DNAJB4: variants seen among roughly 807,000 people sequenced by gnomAD.
DNAJB4 encodes dnaJ homolog subfamily B member 4.
In DNAJB4, 10 loss-of-function variants were observed where a neutral mutation model predicts 26.6. That is an observed-to-expected ratio of 0.38 (90% CI 0.23 to 0.64). The LOEUF is 0.64. DNAJB4 is among the 30% of genes least tolerant of loss of function. DNAJB4 has a pLI of 0.58. For synonymous variants in DNAJB4, 136 were observed against 134.8 expected (o/e 1.01, Z -0.06); for missense variants, 328 against 408.2 (o/e 0.80, Z 1.69).
At chr1:78,008,364 TAAACAAAATGTGC>T (rs1182180531) in intron 1 of DNAJB4, among the ~76,000 whole-genome samples, 1 of 152,194 alleles carries the variant, frequency 6.6e-6, no homozygotes, top group Non-Finnish European at 1.5e-5. Flanking sequence ...ATTGGTGAAT[TAAACAAAATGTGC>T]TATATACATT....
intron 1 of DNAJB4, among the ~76,000 whole-genome samples, chr1:77,984,459 T>TC (rs1183377234): frequency 1.3e-5 from 2 of 152,150 alleles, no homozygotes; most frequent in Non-Finnish European, 2.9e-5. Flanking sequence ...TTTCTTTCTT[T>TC]CTTTTTTTTT....
At chr1:77,982,886 C>A (rs959509280) in intron 1 of DNAJB4, among the ~76,000 whole-genome samples, 13 of 152,178 alleles carry the variant, frequency 8.5e-5, no homozygotes, top group African/African-American at 3.1e-4. Context: ...GTAAAAGCTT[C>A]CTGGGTTAAT....
intron 1 of DNAJB4, among the ~76,000 whole-genome samples, chr1:77,999,822 C>G (rs1227679655): frequency 2.8e-4 from 43 of 152,222 alleles, no homozygotes; most frequent in African/African-American, 9.6e-4. Context: ...ACCAAGTATT[C>G]AGATTTTTAA....
At position 78,013,370 on chromosome 1, in the gene DNAJB4, A is replaced by G; in HGVS notation, c.531A>G (p.Lys177=). The change falls in exon 2 of 3, where the codon AAA becomes AAG. Residue 177 remains lysine, a synonymous_variant. Transcript: ENST00000370763. ...SLEEIYSGCT[K]RMKISRKRLN... is the part of the protein sequence containing the mutation. ...AAGAGATATATAGTGGTTGTACCAA[A>G]CGGATGAAGATTTCTCGAAAAAGGC... 1 of 1,614,180 alleles carries G rather than the reference A, an allele frequency of 6.2e-7. No individual in the cohort carries two copies. Among genetic ancestry groups the G allele is most frequent in the Non-Finnish European group, 8.5e-7 (1 of 1,180,020 alleles).
intron 1 of DNAJB4, among the ~76,000 whole-genome samples, chr1:78,011,916 A>C (rs1557511592): frequency 6.7e-6 from 1 of 148,550 alleles, no homozygotes; most frequent in African/African-American, 2.5e-5. Context: ...ATGGTATTTT[A>C]TATTTTGCTA....
rs1173693025 is a variant in DNAJB4, at chr1:78,013,199, A to G, written c.360A>G (p.Arg120=). The change falls in exon 2 of 3, where the codon AGA becomes AGG. Residue 120 remains arginine (R), a synonymous_variant. Transcript: ENST00000370763. The part of the protein sequence containing the change: ...IFFGRRMGGG[R]DSEEMEIDGD... ...TTGGAAGACGAATGGGTGGTGGTAG[A>G]GATTCTGAAGAAATGGAAATAGATG... 1 of 1,614,182 alleles carries G rather than the reference A, an allele frequency of 6.2e-7. No individual in the cohort carries two copies. The highest frequency in any genetic ancestry group is 1.7e-5 in the Admixed American group (1 of 60,030).
chr1:78,005,729 T>C (rs1295520488), intron 1 of DNAJB4, among the ~76,000 whole-genome samples: 1 of 152,232 alleles, frequency 6.6e-6, no homozygotes, highest in Non-Finnish European at 1.5e-5. Flanking sequence ...TCTTTAGTCA[T>C]TTAAAACCTT....
chr1:77,983,692 A>T (rs967592141), intron 1 of DNAJB4, among the ~76,000 whole-genome samples: 1 of 152,210 alleles, frequency 6.6e-6, no homozygotes. Flanking sequence ...TGTTTCAGAG[A>T]GCACAGGGTT....
chr1:77,985,178 A>T (rs1659762884), intron 1 of DNAJB4, among the ~76,000 whole-genome samples: 2 of 152,210 alleles, frequency 1.3e-5, no homozygotes, highest in African/African-American at 2.4e-5. Flanking sequence ...TTATTGAAAG[A>T]TCAAGGATCT....
upstream of DNAJB4, among the ~76,000 whole-genome samples, chr1:77,979,850 T>C (rs1275878711): frequency 1.3e-5 from 2 of 152,102 alleles, no homozygotes; most frequent in Non-Finnish European, 2.9e-5. Flanking sequence ...CTAGTATATG[T>C]ATGTGTCCAT....
At chr1:77,986,753 A>G (rs1036061716) in intron 1 of DNAJB4, among the ~76,000 whole-genome samples, 6 of 152,204 alleles carry the variant, frequency 3.9e-5, no homozygotes, top group Admixed American at 2.0e-4. Context: ...TTTTGACCAC[A>G]AGTAATGAAA....
chr1:78,005,806 C>T (rs1158817977), intron 1 of DNAJB4, among the ~76,000 whole-genome samples: 1 of 152,124 alleles, frequency 6.6e-6, no homozygotes, highest in Non-Finnish European at 1.5e-5. Context: ...AGTTTTTTGC[C>T]TTTCTTATAG....
chr1:78,012,143 C>CTT (rs1660497594), intron 1 of DNAJB4, among the ~76,000 whole-genome samples: 3 of 81,298 alleles, frequency 3.7e-5, no homozygotes, highest in Non-Finnish European at 8.4e-5. Context: ...GTTTTATTTT[C>CTT]TTTTTCTTTT....
chr1:77,988,954 C>G (rs1659867325), intron 1 of DNAJB4, among the ~76,000 whole-genome samples: 1 of 152,086 alleles, frequency 6.6e-6, no homozygotes, highest in Admixed American at 6.6e-5. Flanking sequence ...CAGCTGGGTC[C>G]TTAGTGGGAT....
At chr1:78,013,725 A>T in intron 2 of DNAJB4, 106 bp downstream of exon 2, 1 of 862,088 alleles carries the variant, frequency 1.2e-6, no homozygotes, top group South Asian at 1.9e-5. Flanking sequence ...ATTATACGTT[A>T]AAAATAATTA....
At chr1:78,002,255 A>T (rs1041952667), upstream of DNAJB4, among the ~76,000 whole-genome samples, 1 of 152,012 alleles carries the variant, frequency 6.6e-6, no homozygotes, top group African/African-American at 2.4e-5. Flanking sequence ...TGTTTTTGTC[A>T]TAATTATTTG....
Position 78,012,154 on chromosome 1 carries a change from C to CTTTTTTTTTTTTTTTT in DNAJB4, c.212-893_212-892insTTTTTTTTTTTTTTTT, listed in dbSNP as rs1324763074. Among the ~76,000 whole-genome samples, 24 of 69,348 alleles carry CTTTTTTTTTTTTTTTT rather than the reference C, an allele frequency of 3.5e-4. 6 individuals carry two copies. In the East Asian group the frequency reaches 4.0e-3, roughly 11 times the overall value. 45.5% of individuals were successfully genotyped at this position (69,348 alleles called of 152,430 possible). On this transcript the variant is annotated intron_variant, in intron 1 of 2. Transcript: ENST00000370763. Reference sequence around the variant, plus strand: ...CCCAGTTTTATTTTCTTTTTCTTTTCTTTTCTTTTTTTTTTTTTTTTTTTT... The same window carrying CTTTTTTTTTTTTTTTT: ...CCCAGTTTTATTTTCTTTTTCTTTTCTTTTTTTTTTTTTTTTTTTTCTTTTTTTTTTTTTTTTTTTT...
At chr1:77,983,869 A>G (rs890460612) in intron 1 of DNAJB4, among the ~76,000 whole-genome samples, 6 of 152,078 alleles carry the variant, frequency 3.9e-5, no homozygotes, top group African/African-American at 1.5e-4. Context: ...ACACTTGAGA[A>G]CCACTGAAAT....
At chr1:77,989,997 T>C (rs1659894439) in intron 1 of DNAJB4, among the ~76,000 whole-genome samples, 1 of 152,228 alleles carries the variant, frequency 6.6e-6, no homozygotes, top group Non-Finnish European at 1.5e-5. Context: ...GTCACATGTC[T>C]GCCCTTAAAC....
Sources: allele counts gnomAD v4.1 joint callset (sites outside exome capture counted in the v4.1 genomes callset), GRCh38; gene constraint gnomAD v4.1.1; transcripts MANE v1.5; gene names NCBI Gene and HGNC (gene_info 2026-07-23, HGNC 2026-07-21).